YTHDF3: variants seen among roughly 807,000 people sequenced by gnomAD.
YTHDF3 encodes the protein YTH N6-methyladenosine RNA binding protein F3, also known as YTH domain-containing family protein 3.
A neutral mutation model predicts 52.5 loss-of-function variants in YTHDF3; 9 were observed. The ratio of observed to expected loss-of-function variants is 0.17; its 90% CI spans 0.10 to 0.30. The LOEUF (loss-of-function observed/expected upper bound fraction) is 0.30. YTHDF3 is among the 10% of genes least tolerant of loss of function. The probability of loss-of-function intolerance (pLI) is 1.00; values close to 1 mark genes in which losing one functional copy is unlikely to be tolerated. For synonymous variants in YTHDF3, 274 were observed against 243.3 expected (o/e 1.13, Z -1.18); for missense variants, 534 against 715.0 (o/e 0.75, Z 2.89).
At chr8:63,206,243 T>C (rs1003575623) in intron 4 of YTHDF3, among the ~76,000 whole-genome samples, 9 of 151,974 alleles carry the variant, frequency 5.9e-5, no homozygotes, top group East Asian at 1.9e-4. Context: ...CCAGCTAATT[T>C]TGTGTTTTCA....
intron 4 of YTHDF3, among the ~76,000 whole-genome samples, chr8:63,188,535 C>T (rs1164133001): frequency 1.3e-5 from 2 of 149,166 alleles, no homozygotes; most frequent in East Asian, 2.0e-4. Flanking sequence ...CCATGTTGCC[C>T]GGGCTGGTCT....
intron 4 of YTHDF3, among the ~76,000 whole-genome samples, chr8:63,192,659 G>GTGCTTGCAT (rs1808984491): frequency 6.6e-6 from 1 of 152,118 alleles, no homozygotes; most frequent in African/African-American, 2.4e-5. Flanking sequence ...TGATATGCTT[G>GTGCTTGCAT]TGCTTGCATT....
chr8:63,170,117 T>G (rs1414652218), intron 2 of YTHDF3, among the ~76,000 whole-genome samples: 2 of 152,214 alleles, frequency 1.3e-5, no homozygotes, highest in African/African-American at 4.8e-5. Flanking sequence ...GACTGAAACA[T>G]TATGACATTA....
At chr8:63,190,143 A>G (rs1808821105) in intron 4 of YTHDF3, among the ~76,000 whole-genome samples, 1 of 152,220 alleles carries the variant, frequency 6.6e-6, no homozygotes, top group East Asian at 1.9e-4. Context: ...ATCTCTGATT[A>G]GGCAGTTAGA....
intron 2 of YTHDF3, among the ~76,000 whole-genome samples, chr8:63,170,747 G>T (rs1807269855): frequency 6.6e-6 from 1 of 152,138 alleles, no homozygotes; most frequent in South Asian, 2.1e-4. Context: ...TCCTAGATCT[G>T]TGGGGAGGTG....
chr8:63,175,604 A>G (rs1461162148), intron 3 of YTHDF3, 188 bp downstream of exon 3: 2 of 493,142 alleles, frequency 4.1e-6, no homozygotes, highest in South Asian at 3.1e-5. Context: ...TTCAGAAAGT[A>G]TAGGCACCAG....
At chr8:63,197,444 G>A (rs986711987) in intron 4 of YTHDF3, among the ~76,000 whole-genome samples, 20 of 152,170 alleles carry the variant, frequency 1.3e-4, no homozygotes, top group Admixed American at 1.3e-3. Context: ...AATGTTATGA[G>A]ATGGAATGGG....
At position 63,186,314 on chromosome 8, in the gene YTHDF3, A is replaced by G; in HGVS notation, c.303A>G (p.Ile101Met). 2 of 1,614,040 alleles carry G rather than the reference A, an allele frequency of 1.2e-6. No individual in the cohort carries two copies. The highest frequency in any genetic ancestry group is 1.1e-5 in the South Asian group (1 of 91,088). ...GQMSNGEHHY[I>M]PDGVFSQPGA... Reference sequence around the variant, plus strand: ...TGAGTAATGGAGAACATCACTATATACCAGATGGTGTATTTAGTCAACCTG... The same window carrying G: ...TGAGTAATGGAGAACATCACTATATGCCAGATGGTGTATTTAGTCAACCTG... Residue 101 changes from isoleucine (I) to methionine (M), a missense_variant, in exon 4 of 5, where the codon ATA becomes ATG. Around this residue, in one of 3 missense-constraint regions of YTHDF3, gnomAD observed 196 missense variants for 299.5 expected, o/e 0.65. Coordinates refer to ENST00000539294, the MANE Select transcript of YTHDF3 (RefSeq NM_152758.6).
At chr8:63,188,422 G>T (rs938614384) in intron 4 of YTHDF3, among the ~76,000 whole-genome samples, 1 of 150,706 alleles carries the variant, frequency 6.6e-6, no homozygotes, top group African/African-American at 2.4e-5. Flanking sequence ...GATCTGCTGG[G>T]CTCAAGTGAT....
chr8:63,210,126 A>G lies in YTHDF3; in HGVS notation c.*420A>G, dbSNP rs1810293941. On this transcript the variant is annotated 3_prime_UTR_variant, in exon 5 of 5. Transcript: ENST00000539294. Reference sequence around the variant, plus strand: ...CTTTGTTGTAGTTTTTAAATTGTCGATTTTTAGCTATTTGACAGATTAAAA... The same window carrying G: ...CTTTGTTGTAGTTTTTAAATTGTCGGTTTTTAGCTATTTGACAGATTAAAA... The G allele has an allele frequency of 6.4e-6, 1 of 156,344 alleles. No individual in the cohort carries two copies. Among genetic ancestry groups the G allele is most frequent in the Non-Finnish European group, 1.4e-5 (1 of 70,700 alleles). 9.7% of individuals were successfully genotyped at this position (156,344 alleles called of 1,614,324 possible).
intron 4 of YTHDF3, chr8:63,188,685 A>ATATATATATATATATATATATG (rs1808695773): frequency 1.8e-5 from 1 of 56,654 alleles, no homozygotes; most frequent in South Asian, 5.3e-4. Context: ...TTACATATAT[A>ATATATATATATATATATATATG]TATATATATA....
intron 4 of YTHDF3, among the ~76,000 whole-genome samples, chr8:63,192,454 G>A (rs1033290981): frequency 7.9e-5 from 12 of 152,148 alleles, no homozygotes; most frequent in Admixed American, 3.3e-4. Flanking sequence ...AGATTTAAAA[G>A]GGAAAGCCAG....
At chr8:63,190,368 A>G (rs1808835294) in intron 4 of YTHDF3, among the ~76,000 whole-genome samples, 1 of 151,998 alleles carries the variant, frequency 6.6e-6, no homozygotes, top group South Asian at 2.1e-4. Flanking sequence ...TGGTATGTTA[A>G]TATTATGTAG....
intron 2 of YTHDF3, 62 bp from the exon 3 acceptor site, chr8:63,175,266 CATT>C: frequency 8.3e-7 from 1 of 1,202,552 alleles, no homozygotes; most frequent in Non-Finnish European, 1.2e-6. Flanking sequence ...ATATTAAAAA[CATT>C]AGGTTGTGCT....
chr8:63,175,546 G>C, intron 3 of YTHDF3, 130 bp downstream of exon 3: 1 of 673,380 alleles, frequency 1.5e-6, no homozygotes, highest in Admixed American at 2.7e-5. Context: ...TATATAGTAA[G>C]TGAGTAGTGA....
Position 63,186,681 on chromosome 8 carries a change from A to G in YTHDF3, c.670A>G (p.Ser224Gly). The G allele has an allele frequency of 6.2e-7, 1 of 1,613,982 alleles. No homozygotes were observed. The highest frequency in any genetic ancestry group is 8.5e-7 in the Non-Finnish European group (1 of 1,179,886). The change falls in exon 4 of 5, where the codon AGT becomes GGT. Residue 224 changes from serine to glycine, a missense_variant. Ser to Gly is a moderately conservative substitution (Grantham distance 56). This residue lies in a region of YTHDF3 where 196 missense variants were observed against 299.5 expected (regional missense o/e 0.65). Transcript: ENST00000539294. ...SSGMTSIATN[S>G]VPPVSSAAPK... ...TGGTATGACTAGCATTGCAACCAAT[A>G]GTGTGCCCCCAGTTAGCAGTGCAGC...
At chr8:63,180,098 C>T (rs1261402138) in intron 3 of YTHDF3, among the ~76,000 whole-genome samples, 4 of 149,430 alleles carry the variant, frequency 2.7e-5, no homozygotes, top group East Asian at 2.0e-4. Context: ...CCCTCCCGGA[C>T]GAGGTGGCTG....
intron 4 of YTHDF3, among the ~76,000 whole-genome samples, chr8:63,201,995 A>G (rs1024021866): frequency 6.6e-6 from 1 of 152,166 alleles, no homozygotes; most frequent in Non-Finnish European, 1.5e-5. Flanking sequence ...TAGATCCTGC[A>G]TGTTCTTTTC....
rs1270499935 is a variant in YTHDF3 at position 63,198,789 on chromosome 8, T to C, written c.1735-10894T>C. On this transcript the variant is annotated intron_variant, in intron 4 of 4. Coordinates refer to ENST00000539294, the MANE Select transcript of YTHDF3 (RefSeq NM_152758.6). ...TGAAGTGTATTCTATTACCCTTTGG[T>C]AAATTTTTCTGTGGTTATAGTTCTC... Among the ~76,000 whole-genome samples the C allele has an allele frequency of 3.9e-5, 6 of 152,228 alleles. No homozygotes were observed. In the South Asian group the frequency reaches 1.0e-3, roughly 26 times the overall value.
Sources: allele counts gnomAD v4.1 joint callset (sites outside exome capture counted in the v4.1 genomes callset), GRCh38; gene constraint gnomAD v4.1.1; regional missense constraint gnomAD v4.1.1; transcripts MANE v1.5; gene names NCBI Gene and HGNC (gene_info 2026-07-23, HGNC 2026-07-21).